Variants in FKBP15 observed in about 807,000 individuals in gnomAD.
FKBP15 encodes FK506-binding protein 15.
A neutral mutation model predicts 158.1 loss-of-function variants in FKBP15; 106 were observed. The observed-to-expected ratio is 0.67, with a 90% CI of 0.57 to 0.79. The LOEUF (loss-of-function observed/expected upper bound fraction) is 0.79, where lower values mean the gene tolerates loss of function less well. Among genes scored for constraint, FKBP15 ranks in the 30% least tolerant of loss-of-function variants. FKBP15 has a pLI of 0.00. For synonymous variants in FKBP15, 547 were observed against 548.6 expected (o/e 1.00, Z 0.04); for missense variants, 1,287 against 1,479.1 (o/e 0.87, Z 2.13).
intron 1 of FKBP15, among the ~76,000 whole-genome samples, chr9:113,215,371 T>C (rs375695729): frequency 7.4e-6 from 1 of 135,078 alleles, no homozygotes; most frequent in South Asian, 2.3e-4. Flanking sequence ...CAAGAAGAGA[T>C]AAAAAAAAAA....
chr9:113,218,538 C>T (rs550103557), intron 1 of FKBP15, among the ~76,000 whole-genome samples: 4 of 152,006 alleles, frequency 2.6e-5, no homozygotes, highest in South Asian at 4.2e-4. Flanking sequence ...GCACAGAGTA[C>T]GTATTTATAT....
intron 2 of FKBP15, among the ~76,000 whole-genome samples, chr9:113,207,605 T>TG (rs1271575738): frequency 2.6e-5 from 4 of 152,186 alleles, no homozygotes; most frequent in Admixed American, 2.6e-4. Context: ...CCCAAAGTGC[T>TG]GGAATTACAG....
intron 12 of FKBP15, 191 bp from the exon 13 acceptor site, chr9:113,188,682 A>C (rs1830524407): frequency 1.8e-6 from 1 of 553,944 alleles, no homozygotes; most frequent in African/African-American, 1.9e-5. Flanking sequence ...CAATAAAGTA[A>C]GAGTCCTTCT....
chr9:113,166,669 G>T (rs148945198), intron 27 of FKBP15, among the ~76,000 whole-genome samples: 13 of 152,262 alleles, frequency 8.5e-5, no homozygotes, highest in African/African-American at 2.9e-4. Context: ...GAATTTGGAG[G>T]CTTGGCCAAC....
chr9:113,169,522 C>A lies in FKBP15; in HGVS notation c.3187G>T (p.Ala1063Ser), dbSNP rs1830165483. ...SMDSECEESL[A>S]ASPMAAKPDN... ...GGCTTAGCTGCCATTGGGCTGGCAG[C>A]AAGTGACTCCTCACACTCAGAGTCC... Residue 1063 changes from alanine (A) to serine (S), a missense_variant, in exon 26 of 28, where the codon GCT becomes TCT. By Grantham distance (99) the Ala-to-Ser change is moderately conservative. Transcript: ENST00000238256. 6.2e-7 allele frequency: 1 copy of A among 1,614,012 alleles called. No individual in the cohort carries two copies. The highest frequency in any genetic ancestry group is 2.2e-5 in the East Asian group (1 of 44,874).
intron 14 of FKBP15, 140 bp from the exon 15 acceptor site, chr9:113,186,503 G>A (rs1443787317): frequency 3.1e-6 from 2 of 653,028 alleles, no homozygotes. Context: ...TGAGATCTGG[G>A]TTTGGCAGTT....
chr9:113,174,655 G>A, intron 21 of FKBP15, 72 bp from the exon 22 acceptor site: 1 of 1,465,070 alleles, frequency 6.8e-7, no homozygotes, highest in South Asian at 1.3e-5. Flanking sequence ...GGCGGTGGCA[G>A]TTAATTACCT....
chr9:113,162,976 A>T lies in FKBP15; in HGVS notation c.*3102T>A. On this transcript the variant is annotated 3_prime_UTR_variant, in exon 28 of 28. Transcript: ENST00000238256. Reference sequence around the variant, plus strand: ...GGACATGGAGCCCCCTCTTCCAGACACTATACTTCCAACTGCCCTTTCTTC... The same window carrying T: ...GGACATGGAGCCCCCTCTTCCAGACTCTATACTTCCAACTGCCCTTTCTTC... The T allele has an allele frequency of 7.0e-7, 1 of 1,420,980 alleles. No homozygotes were observed. Among genetic ancestry groups the T allele is most frequent in the South Asian group, 1.4e-5 (1 of 69,158 alleles). The allele number at this position is 1,420,980 out of a possible 1,614,324, so 88.0% of individuals were successfully genotyped here.
Position 113,182,820 on chromosome 9 carries a change from A to C in FKBP15, c.1860T>G (p.Leu620=). Residue 620 remains leucine (L), a synonymous_variant, in exon 19 of 28, where the codon CTT becomes CTG. Coordinates refer to ENST00000238256, the MANE Select transcript of FKBP15 (RefSeq NM_015258.2). ...NLMMEKRNNS[L]QTATENTQAR... Reference sequence around the variant, plus strand: ...CCTGTGTGTTTTCTGTGGCTGTCTGAAGTGAGTTGTTCCTCTTCTCCATCA... The same window carrying C: ...CCTGTGTGTTTTCTGTGGCTGTCTGCAGTGAGTTGTTCCTCTTCTCCATCA... 6.2e-7 allele frequency: 1 copy of C among 1,613,812 alleles called. No homozygotes were observed. Among genetic ancestry groups the C allele is most frequent in the Non-Finnish European group, 8.5e-7 (1 of 1,179,776 alleles).
rs1830081768 is a variant in FKBP15 at position 113,165,354 on chromosome 9, T to C, written c.*724A>G. ...AGCTAGGACTACAGTGGTGACTTTCTTTGAAAGCCTAAAAGTTCCAGGGTT... is the reference window on the plus strand; with the variant it reads ...AGCTAGGACTACAGTGGTGACTTTCCTTGAAAGCCTAAAAGTTCCAGGGTT... On this transcript the variant is annotated 3_prime_UTR_variant, in exon 28 of 28. Coordinates refer to ENST00000238256, the MANE Select transcript of FKBP15 (RefSeq NM_015258.2). 1 of 152,188 alleles carries C rather than the reference T, an allele frequency of 6.6e-6. No individual in the cohort carries two copies. Among genetic ancestry groups the C allele is most frequent in the Admixed American group, 6.5e-5 (1 of 15,282 alleles). 9.4% of individuals were successfully genotyped at this position (152,188 alleles called of 1,614,324 possible). A position where few individuals can be genotyped will look rare whatever the true frequency, so the allele number is the denominator to read the frequency against.
At chr9:113,200,037 C>A in intron 6 of FKBP15, 74 bp from the exon 7 acceptor site, 3 of 1,442,162 alleles carry the variant, frequency 2.1e-6, no homozygotes, top group Non-Finnish European at 2.8e-6. Flanking sequence ...TGCTACTGCT[C>A]TTTCTCAAAT....
At chr9:113,201,977 T>A (rs1343253330) in intron 6 of FKBP15, among the ~76,000 whole-genome samples, 3 of 152,226 alleles carry the variant, frequency 2.0e-5, no homozygotes, top group Non-Finnish European at 4.4e-5. Flanking sequence ...TGAGTGATTT[T>A]TTTTAATGCT....
Position 113,174,601 on chromosome 9 carries a change from C to T in FKBP15, c.2224-18G>A. The T allele has an allele frequency of 6.2e-7, 1 of 1,612,076 alleles. No individual in the cohort carries two copies. The highest frequency in any genetic ancestry group is 2.2e-5 in the East Asian group (1 of 44,772). On this transcript the variant is annotated intron_variant, in intron 21 of 27. Transcript: ENST00000238256. The stretch of plus-strand genomic sequence containing the variant: ...GAGAGGTTCTTAGGAACAAGAGAAC[C>T]ATCATCAGCTCTAGCTTGTTAACAG...
Position 113,162,803 on chromosome 9 carries a change from C to G in FKBP15, c.*3275G>C. ...TAATCCATGTCATCCAGGTGGTCATCGGCTACTTCATCATGCTGGCCGTAA... is the reference window on the plus strand; with the variant it reads ...TAATCCATGTCATCCAGGTGGTCATGGGCTACTTCATCATGCTGGCCGTAA... On this transcript the variant is annotated 3_prime_UTR_variant, in exon 28 of 28. Transcript: ENST00000238256. 1 of 1,613,774 alleles carries G rather than the reference C, an allele frequency of 6.2e-7. No individual in the cohort carries two copies. The highest frequency in any genetic ancestry group is 8.5e-7 in the Non-Finnish European group (1 of 1,179,796).
chr9:113,217,276 G>T (rs1204645273), intron 1 of FKBP15, among the ~76,000 whole-genome samples: 2 of 142,450 alleles, frequency 1.4e-5, no homozygotes, highest in Non-Finnish European at 3.0e-5. Context: ...GCAGTGGCAC[G>T]ACCTTGGCTC....
At chr9:113,199,117 A>C (rs186815358) in intron 7 of FKBP15, among the ~76,000 whole-genome samples, 194 bp from the exon 8 acceptor site, 10 of 152,320 alleles carry the variant, frequency 6.6e-5, no homozygotes, top group Admixed American at 5.9e-4. Context: ...AATATCTCTG[A>C]AACAGTAATT....
chr9:113,212,257 C>T (rs549677812), intron 1 of FKBP15, among the ~76,000 whole-genome samples: 15 of 152,118 alleles, frequency 9.9e-5, no homozygotes, highest in South Asian at 2.1e-4. Context: ...GGTGTGATCC[C>T]GGCTCACTGC....
At chr9:113,188,546 T>G (rs546918933) in intron 12 of FKBP15, 55 bp from the exon 13 acceptor site, 1 of 1,388,738 alleles carries the variant, frequency 7.2e-7, no homozygotes, top group African/African-American at 1.4e-5. Flanking sequence ...CATTGAAGAC[T>G]GAGGCTGACT....
Position 113,165,575 on chromosome 9 carries a change from G to C in FKBP15, c.*503C>G, listed in dbSNP as rs1196385720. On this transcript the variant is annotated 3_prime_UTR_variant, in exon 28 of 28. Transcript: ENST00000238256. ...TTATTTTCAAAGTCATTGACCTCTT[G>C]TATCAGATTTAAGGCAAAGAAGAAG... 6.6e-6 allele frequency: 1 copy of C among 152,292 alleles called. No individual in the cohort carries two copies. Among genetic ancestry groups the C allele is most frequent in the Non-Finnish European group, 1.5e-5 (1 of 68,146 alleles). 9.4% of individuals were successfully genotyped at this position (152,292 alleles called of 1,614,324 possible).
Sources: gnomAD v4.1 joint callset for allele counts (sites outside exome capture counted in the v4.1 genomes callset) on GRCh38, gnomAD v4.1.1 for gene constraint, MANE v1.5 for transcripts, NCBI Gene and HGNC (gene_info 2026-07-23, HGNC 2026-07-21) for gene names.